Variants in PCDHA1 observed in about 807,000 individuals in gnomAD.
The protein encoded by PCDHA1 is protocadherin alpha-1.
PCDHA1 carries 42 observed loss-of-function variants against 61.3 expected under a neutral mutation model. That is an observed-to-expected ratio of 0.69 (90% CI 0.54 to 0.89). PCDHA1 has a LOEUF of 0.89. PCDHA1 is among the 40% of genes least tolerant of loss of function. PCDHA1 has a pLI of 0.00. For missense variants in PCDHA1, 1,256 were observed against 1,235.3 expected (o/e 1.02, Z -0.25); for synonymous variants, 610 against 553.8 (o/e 1.10, Z -1.43).
In PCDHA1 at chr5:140,808,480, C is replaced by T. The variant is rs782378137; in HGVS notation, c.2394+19796C>T. The T allele has an allele frequency of 2.5e-6, 4 of 1,614,062 alleles. No homozygotes were observed. The East Asian group carries it at 6.7e-5, about 27-fold the overall frequency. Reference sequence around the variant, plus strand: ...TGGTGGTGACCGCGCGAGACGGGGGCTCGCCTTCGCTGTGGGCCACGGCCA... The same window carrying T: ...TGGTGGTGACCGCGCGAGACGGGGGTTCGCCTTCGCTGTGGGCCACGGCCA... On this transcript the variant is annotated intron_variant, in intron 1 of 3. Transcript: ENST00000504120.
rs781865422 is a variant in PCDHA1, at chr5:140,871,237, C to T, written c.2394+82553C>T. 26 of 1,613,866 alleles carry T rather than the reference C, an allele frequency of 1.6e-5. 1 individual carries two copies. In the South Asian group the frequency reaches 2.3e-4, roughly 14 times the overall value. The stretch of plus-strand genomic sequence containing the variant: ...CTGCGTGGTGTCCAGCCTCCTGGTA[C>T]TCACGCTGCTGCTGTATACGGCGCT... On this transcript the variant is annotated intron_variant, in intron 1 of 3. Coordinates refer to ENST00000504120, the MANE Select transcript of PCDHA1 (RefSeq NM_018900.4).
chr5:140,822,477 T>G (rs201571132), intron 1 of PCDHA1: 746 of 1,613,830 alleles, frequency 4.6e-4, no homozygotes, highest in Non-Finnish European at 6.1e-4. Flanking sequence ...TATTGGATGC[T>G]AATGATAACG....
At chr5:140,797,188 T>A (rs782378718) in intron 1 of PCDHA1, 14 of 1,614,008 alleles carry the variant, frequency 8.7e-6, no homozygotes, top group Non-Finnish European at 1.2e-5. Context: ...GCTGGTGTGC[T>A]CCAGCGCCGT....
intron 1 of PCDHA1, chr5:140,843,522 C>T: frequency 1.1e-5 from 17 of 1,595,794 alleles, no homozygotes; most frequent in Non-Finnish European, 1.5e-5. Flanking sequence ...GGGTGCCGGG[C>T]GGGCAAGCCC....
chr5:140,905,809 A>C (rs1349964349), intron 1 of PCDHA1, among the ~76,000 whole-genome samples: 1 of 152,184 alleles, frequency 6.6e-6, no homozygotes, highest in East Asian at 1.9e-4. Context: ...GGACAGAATT[A>C]ATAGGCTAGA....
At chr5:140,945,955 A>C (rs1174972799) in intron 1 of PCDHA1, among the ~76,000 whole-genome samples, 2 of 152,136 alleles carry the variant, frequency 1.3e-5, no homozygotes, top group African/African-American at 4.8e-5. Context: ...TGACCCTGAA[A>C]GCACAGGCAA....
chr5:140,835,556 C>CTG, intron 1 of PCDHA1: 8 of 1,613,914 alleles, frequency 5.0e-6, no homozygotes, highest in African/African-American at 1.3e-5. Flanking sequence ...CCCTGACGCC[C>CTG]CGCGTTCCCT....
At chr5:140,876,686 A>G (rs1554168790) in intron 1 of PCDHA1, 1 of 1,613,822 alleles carries the variant, frequency 6.2e-7, no homozygotes, top group Admixed American at 1.7e-5. Context: ...AAGAATTACT[A>G]CTCGTTGGTG....
chr5:140,913,100 A>G (rs2076204390), intron 1 of PCDHA1, among the ~76,000 whole-genome samples: 1 of 152,186 alleles, frequency 6.6e-6, no homozygotes, highest in Non-Finnish European at 1.5e-5. Flanking sequence ...TACTGGCCTC[A>G]TAGAATCAGT....
intron 1 of PCDHA1, chr5:140,969,204 C>T (rs1453693936): frequency 3.2e-5 from 51 of 1,613,996 alleles, no homozygotes; most frequent in African/African-American, 1.5e-4. Context: ...AATACAGGGG[C>T]CCAGACAGGA....
At position 141,011,990 on chromosome 5, in the gene PCDHA1, T is replaced by C. The variant is rs1554263765; in HGVS notation, c.*2053T>C. On this transcript the variant is annotated 3_prime_UTR_variant, in exon 4 of 4. Transcript: ENST00000504120. ...ACTGTCTTGTCTACTTTTAGCTTCA[T>C]TCTCCCATATTTTGAAGGGTGTGTA... 1 of 153,772 alleles carries C rather than the reference T, an allele frequency of 6.5e-6. No homozygotes were observed. The highest frequency in any genetic ancestry group is 1.5e-5 in the Non-Finnish European group (1 of 68,038). 9.5% of individuals were successfully genotyped at this position (153,772 alleles called of 1,614,324 possible). A position where few individuals can be genotyped will look rare whatever the true frequency, so the allele number is the denominator to read the frequency against.
chr5:140,893,753 A>G (rs1007226278), intron 1 of PCDHA1, among the ~76,000 whole-genome samples: 3 of 152,106 alleles, frequency 2.0e-5, no homozygotes, highest in South Asian at 2.1e-4. Context: ...GAATTTTCTT[A>G]TAGGTGACTT....
At position 140,877,378 on chromosome 5, in the gene PCDHA1, A is replaced by G; in HGVS notation, c.2394+88694A>G. 2 of 1,613,974 alleles carry G rather than the reference A, an allele frequency of 1.2e-6. No individual in the cohort carries two copies. Among genetic ancestry groups the G allele is most frequent in the South Asian group, 1.1e-5 (1 of 91,086 alleles). On this transcript the variant is annotated intron_variant, in intron 1 of 3. Transcript: ENST00000504120. ...CACTGGCGAGATCAGCACGACACGC[A>G]TCCTGGATGAGGCGGACGCTCCGCG...
intron 1 of PCDHA1, chr5:140,843,260 C>T: frequency 6.3e-7 from 1 of 1,596,130 alleles, no homozygotes; most frequent in Non-Finnish European, 8.6e-7. Flanking sequence ...GCGCCACCGT[C>T]TGCTGGTCCT....
chr5:140,982,706 T>C, intron 3 of PCDHA1, 143 bp downstream of exon 3: 1 of 1,375,170 alleles, frequency 7.3e-7, no homozygotes, highest in Admixed American at 2.9e-5. Flanking sequence ...ATGATTTCCT[T>C]ACATATATGA....
Position 140,941,209 on chromosome 5 carries a change from T to TCCTTTCTTTCTTTC in PCDHA1, c.2395-37740_2395-37739insCCTTTCTTTCTTTC, listed in dbSNP as rs59604197. 5.4e-4 allele frequency among the ~76,000 whole-genome samples: 69 copies of TCCTTTCTTTCTTTC among 126,992 alleles called. 1 individual carries two copies. Among genetic ancestry groups the TCCTTTCTTTCTTTC allele is most frequent in the African/African-American group, 2.2e-3 (68 of 31,202 alleles). The allele number at this position is 126,992 out of a possible 152,430, so 83.3% of individuals were successfully genotyped here. On this transcript the variant is annotated intron_variant, in intron 1 of 3. Coordinates refer to ENST00000504120, the MANE Select transcript of PCDHA1 (RefSeq NM_018900.4). ...TCTTTTTTTTTCTTTCTTCCTTTCT[T>TCCTTTCTTTCTTTC]TCTTCCTTTCTTTCTTTCTTTCTTT...
chr5:140,878,567 G>T (rs562054144), intron 1 of PCDHA1, among the ~76,000 whole-genome samples: 1 of 152,268 alleles, frequency 6.6e-6, no homozygotes, highest in Non-Finnish European at 1.5e-5. Flanking sequence ...ACTTATCATA[G>T]TATACCACTG....
chr5:140,798,714 G>A (rs1762353673), intron 1 of PCDHA1, among the ~76,000 whole-genome samples: 1 of 152,162 alleles, frequency 6.6e-6, no homozygotes, highest in Non-Finnish European at 1.5e-5. Flanking sequence ...CCTGGTCTTG[G>A]ATGACTACAT....
intron 1 of PCDHA1, chr5:140,804,896 A>G: frequency 1.4e-6 from 1 of 723,606 alleles, no homozygotes; most frequent in Non-Finnish European, 2.1e-6. Flanking sequence ...CCTTCCCCTC[A>G]CTTCCATTTT....
Sources: allele counts gnomAD v4.1 joint callset (sites outside exome capture counted in the v4.1 genomes callset), GRCh38; gene constraint gnomAD v4.1.1; transcripts MANE v1.5; gene names NCBI Gene and HGNC (gene_info 2026-07-23, HGNC 2026-07-21).